The following PEX13 variants were observed in gnomAD, a reference collection of about 807,000 sequenced individuals.
PEX13 encodes the protein peroxisomal biogenesis factor 13.
A neutral mutation model predicts 34.5 loss-of-function variants in PEX13; 28 were observed. The ratio of observed to expected loss-of-function variants is 0.81; its 90% CI spans 0.60 to 1.11. PEX13 has a LOEUF of 1.11. Ranked by LOEUF, PEX13 falls within the 50% of genes most tolerant of loss-of-function variation. The pLI is 0.00. For synonymous variants in PEX13, 177 were observed against 175.1 expected, an observed-to-expected ratio of 1.01 and a Z score of -0.09; for missense variants, 550 against 491.0, an observed-to-expected ratio of 1.12 and a Z score of -1.13.
At chr2:61,022,605 A>G (rs970633577) in intron 1 of PEX13, among the ~76,000 whole-genome samples, 2 of 152,220 alleles carry the variant, frequency 1.3e-5, no homozygotes, top group African/African-American at 2.4e-5. Flanking sequence ...GGAGTGGTTC[A>G]CATTTGTAAT....
chr2:61,032,421 C>T (rs1176904820), intron 2 of PEX13, among the ~76,000 whole-genome samples: 2 of 152,124 alleles, frequency 1.3e-5, no homozygotes, highest in African/African-American at 4.8e-5. Flanking sequence ...GTTTAAGACA[C>T]ATATACAGGT....
At chr2:61,037,464 A>G (rs556353291) in intron 2 of PEX13, among the ~76,000 whole-genome samples, 11 of 152,198 alleles carry the variant, frequency 7.2e-5, no homozygotes, top group African/African-American at 2.2e-4. Flanking sequence ...GGATTAATAA[A>G]CACTCAAAAC....
In PEX13 at chr2:61,031,448, C is replaced by T. The variant is rs1282669816; in HGVS notation, c.122C>T (p.Thr41Ile). 1.9e-6 allele frequency: 3 copies of T among 1,614,012 alleles called. No homozygotes were observed. Among genetic ancestry groups the T allele is most frequent in the African/African-American group, 1.3e-5 (1 of 74,934 alleles). The part of the protein sequence containing the change: ...QSADLGPTLM[T>I]RPGQPALTRV... ...GCTGATTTGGGTCCTACTTTAATGA[C>T]AAGACCTGGACAACCAGCACTTACC... Residue 41 changes from threonine to isoleucine, a missense_variant, in exon 2 of 4, where the codon ACA becomes ATA. Coordinates refer to ENST00000295030, the MANE Select transcript of PEX13 (RefSeq NM_002618.4).
chr2:61,031,062 G>A (rs1409668006), intron 1 of PEX13, among the ~76,000 whole-genome samples: 2 of 152,218 alleles, frequency 1.3e-5, no homozygotes, highest in African/African-American at 4.8e-5. Context: ...AACCAAGGCA[G>A]ATGGATCGTT....
At chr2:61,046,431 A>G (rs1421116961) in intron 3 of PEX13, among the ~76,000 whole-genome samples, 1 of 152,162 alleles carries the variant, frequency 6.6e-6, no homozygotes, top group African/African-American at 2.4e-5. Flanking sequence ...AGTAATGATT[A>G]TCAGGATTTT....
At chr2:61,033,359 A>C (rs1680483916) in intron 2 of PEX13, among the ~76,000 whole-genome samples, 1 of 152,194 alleles carries the variant, frequency 6.6e-6, no homozygotes, top group South Asian at 2.1e-4. Flanking sequence ...TTACTGACTA[A>C]ATGAGGTATA....
At chr2:61,042,779 T>C (rs977361237) in intron 2 of PEX13, among the ~76,000 whole-genome samples, 2 of 152,194 alleles carry the variant, frequency 1.3e-5, no homozygotes, top group African/African-American at 2.4e-5. Flanking sequence ...AAAAAAAATA[T>C]GTCCAGAGAA....
At chr2:61,022,935 A>T (rs930722825) in intron 1 of PEX13, among the ~76,000 whole-genome samples, 3 of 151,650 alleles carry the variant, frequency 2.0e-5, no homozygotes, top group South Asian at 2.1e-4. Context: ...GTGAAATTGA[A>T]TTTTTTTTCT....
chr2:61,029,595 AAATT>A (rs1261746948), intron 1 of PEX13, among the ~76,000 whole-genome samples: 1 of 152,228 alleles, frequency 6.6e-6, no homozygotes. Flanking sequence ...TTGGCAATAA[AAATT>A]AATGAAATAC....
intron 2 of PEX13, among the ~76,000 whole-genome samples, chr2:61,034,166 T>C (rs1465303537): frequency 6.6e-6 from 1 of 152,004 alleles, no homozygotes; most frequent in African/African-American, 2.4e-5. Context: ...CCGGTTAATT[T>C]TTTGTATTTT....
chr2:61,038,379 C>T (rs1393578614), intron 2 of PEX13, among the ~76,000 whole-genome samples: 1 of 152,176 alleles, frequency 6.6e-6, no homozygotes, highest in Non-Finnish European at 1.5e-5. Context: ...CAACCGAATC[C>T]AGCAACACAT....
intron 3 of PEX13, among the ~76,000 whole-genome samples, chr2:61,047,445 C>T (rs1184971260): frequency 6.6e-6 from 1 of 152,156 alleles, no homozygotes; most frequent in African/African-American, 2.4e-5. Flanking sequence ...TGTACCACCA[C>T]GCTGGGCCTA....
rs1296918701 is a variant in PEX13, at chr2:61,050,547, G to A, written c.*1777G>A. Reference sequence around the variant, plus strand: ...ACAGAGTAATACTATCAGGAATACAGGTGTATAAGAATACATTTATAGATA... The same window carrying A: ...ACAGAGTAATACTATCAGGAATACAAGTGTATAAGAATACATTTATAGATA... On this transcript the variant is annotated 3_prime_UTR_variant, in exon 4 of 4. Coordinates refer to ENST00000295030, the MANE Select transcript of PEX13 (RefSeq NM_002618.4). The A allele has an allele frequency of 1.3e-5, 2 of 152,314 alleles. No homozygotes were observed. The highest frequency in any genetic ancestry group is 2.1e-4 in the South Asian group (1 of 4,834). The allele number at this position is 152,314 out of a possible 1,614,324, so 9.4% of individuals were successfully genotyped here.
At chr2:61,029,342 A>T (rs1032553561) in intron 1 of PEX13, among the ~76,000 whole-genome samples, 1 of 152,158 alleles carries the variant, frequency 6.6e-6, no homozygotes, top group Admixed American at 6.6e-5. Context: ...ATAAGAGCAG[A>T]TGTGGCCAAG....
At chr2:61,048,278 A>G (rs1251859493) in intron 3 of PEX13, among the ~76,000 whole-genome samples, 194 bp from the exon 4 acceptor site, 1 of 152,216 alleles carries the variant, frequency 6.6e-6, no homozygotes, top group Non-Finnish European at 1.5e-5. Flanking sequence ...AGTAAGTATA[A>G]AATAAAAATA....
intron 1 of PEX13, among the ~76,000 whole-genome samples, chr2:61,029,802 A>T (rs887667303): frequency 5.3e-5 from 8 of 151,220 alleles, no homozygotes; most frequent in Admixed American, 1.3e-4. Flanking sequence ...ATAGAGTGAG[A>T]CCCTGTCTCT....
At chr2:61,027,027 A>C (rs1680368438) in intron 1 of PEX13, among the ~76,000 whole-genome samples, 1 of 151,994 alleles carries the variant, frequency 6.6e-6, no homozygotes, top group Admixed American at 6.6e-5. Context: ...ATCAGGTGTA[A>C]AAACAGTGGG....
chr2:61,046,677 T>A (rs2104813305), intron 3 of PEX13, among the ~76,000 whole-genome samples: 1 of 152,324 alleles, frequency 6.6e-6, no homozygotes, highest in Admixed American at 6.5e-5. Flanking sequence ...ATAAGTAAAT[T>A]GTCCAGTATC....
chr2:61,032,150 A>G (rs1559036046), intron 2 of PEX13, 37 bp downstream of exon 2: 6 of 1,327,546 alleles, frequency 4.5e-6, no homozygotes, highest in Non-Finnish European at 6.5e-6. Context: ...CAGATACCAT[A>G]TAACAATCTC....
Sources: allele counts gnomAD v4.1 joint callset (sites outside exome capture counted in the v4.1 genomes callset), GRCh38; gene constraint gnomAD v4.1.1; transcripts MANE v1.5; gene names NCBI Gene and HGNC (gene_info 2026-07-23, HGNC 2026-07-21).